FTO: variants seen among roughly 807,000 people sequenced by gnomAD.
FTO encodes FTO alpha-ketoglutarate dependent dioxygenase.
In FTO, 47 loss-of-function variants were observed where a neutral mutation model predicts 63.9. The observed-to-expected ratio is 0.74, with a 90% CI of 0.58 to 0.94. The LOEUF (loss-of-function observed/expected upper bound fraction) is 0.94, where lower values mean the gene tolerates loss of function less well. FTO is among the 40% of genes least tolerant of loss of function. The pLI is 0.00. For missense variants in FTO, 562 were observed against 618.1 expected (o/e 0.91, Z 0.96); for synonymous variants, 207 against 224.4 (o/e 0.92, Z 0.69).
At chr16:53,792,075 CAAA>C (rs10606857) in intron 1 of FTO, among the ~76,000 whole-genome samples, 10 of 138,654 alleles carry the variant, frequency 7.2e-5, no homozygotes, top group African/African-American at 1.0e-4. Flanking sequence ...GACTTCGTCT[CAAA>C]AAAAAAAAAA....
intron 8 of FTO, among the ~76,000 whole-genome samples, chr16:53,952,542 A>C (rs939588523): frequency 6.6e-5 from 10 of 152,236 alleles, no homozygotes; most frequent in Non-Finnish European, 1.2e-4. Flanking sequence ...CGTACTTAGA[A>C]AAGTATCATA....
intron 2 of FTO, among the ~76,000 whole-genome samples, chr16:53,811,012 C>A (rs908433271): frequency 6.6e-6 from 1 of 152,088 alleles, no homozygotes; most frequent in African/African-American, 2.4e-5. Flanking sequence ...GGAAGTAATC[C>A]TGTTGGCCTG....
At chr16:54,066,102 C>A (rs925504266) in intron 8 of FTO, among the ~76,000 whole-genome samples, 3 of 152,188 alleles carry the variant, frequency 2.0e-5, no homozygotes, top group Admixed American at 1.3e-4. Flanking sequence ...CCCGCCTTGC[C>A]TTGGGGACAC....
chr16:53,992,389 T>A (rs1442577959), intron 8 of FTO: 1 of 152,216 alleles, frequency 6.6e-6, no homozygotes, highest in Non-Finnish European at 1.5e-5. Flanking sequence ...TACCTAGATT[T>A]CTGCTGAGAT....
At chr16:53,953,724 A>G (rs944470891) in intron 8 of FTO, among the ~76,000 whole-genome samples, 3 of 152,236 alleles carry the variant, frequency 2.0e-5, no homozygotes, top group Non-Finnish European at 4.4e-5. Context: ...AAATATAAAA[A>G]AATCCAGCAT....
intron 8 of FTO, among the ~76,000 whole-genome samples, chr16:53,961,475 T>C (rs2083080063): frequency 6.6e-6 from 1 of 152,248 alleles, no homozygotes; most frequent in Non-Finnish European, 1.5e-5. Context: ...TATGTTATTA[T>C]TTCATATACT....
chr16:53,770,406 A>G (rs919721450), intron 1 of FTO, among the ~76,000 whole-genome samples: 1 of 152,196 alleles, frequency 6.6e-6, no homozygotes, highest in Non-Finnish European at 1.5e-5. Context: ...ATTCAAACGA[A>G]AAATCTTCTC....
intron 1 of FTO, among the ~76,000 whole-genome samples, chr16:53,791,320 A>T (rs1454242750): frequency 6.6e-6 from 1 of 152,196 alleles, no homozygotes; most frequent in Non-Finnish European, 1.5e-5. Flanking sequence ...TCACACAGTA[A>T]CCTTAAGTAG....
At chr16:54,089,871 A>G (rs1463555950) in intron 8 of FTO, among the ~76,000 whole-genome samples, 6 of 152,096 alleles carry the variant, frequency 3.9e-5, no homozygotes, top group Admixed American at 3.3e-4. Flanking sequence ...TTAAAAAAAA[A>G]AAAAGAAAAG....
In FTO at chr16:53,873,846, C is replaced by A. The variant is rs781028867; in HGVS notation, c.956C>A (p.Ser319Tyr). 1 of 1,612,522 alleles carries A rather than the reference C, an allele frequency of 6.2e-7. No individual in the cohort carries two copies. Among genetic ancestry groups the A allele is most frequent in the Non-Finnish European group, 8.5e-7 (1 of 1,178,894 alleles). ...GCCGGTTCACAACCTCGGTTTAGTT[C>A]CACCCACCGAGTGGCAGAGGTAAGT... ...VLAGSQPRFS[S>Y]THRVAECSTG... The change falls in exon 5 of 9, where the codon TCC becomes TAC. Residue 319 changes from serine (S) to tyrosine (Y), a missense_variant. Ser to Tyr is a moderately radical substitution (Grantham distance 144, BLOSUM62 -2). Transcript: ENST00000471389.
chr16:54,099,119 G>A (rs1179260667), intron 8 of FTO, among the ~76,000 whole-genome samples: 2 of 152,126 alleles, frequency 1.3e-5, no homozygotes, highest in African/African-American at 4.8e-5. Flanking sequence ...GTATTCTGTG[G>A]CTGAAAGGAG....
chr16:53,826,313 G>A lies in FTO; in HGVS notation c.573G>A (p.Val191=). 12 of 1,614,174 alleles carry A rather than the reference G, an allele frequency of 7.4e-6. No homozygotes were observed. Among genetic ancestry groups the A allele is most frequent in the Non-Finnish European group, 1.0e-5 (12 of 1,180,036 alleles). The part of the protein sequence containing the change: ...MGSSYNGQDE[V]DIKSRAAYNV... ...CATCCTACAACGGACAAGATGAAGT[G>A]GACATTAAGAGCAGAGCAGCATACA... Residue 191 remains valine, a synonymous_variant, in exon 3 of 9, where the codon GTG becomes GTA. Coordinates refer to ENST00000471389, the MANE Select transcript of FTO (RefSeq NM_001080432.3).
At chr16:53,898,610 G>T (rs901441294) in intron 7 of FTO, among the ~76,000 whole-genome samples, 1 of 152,160 alleles carries the variant, frequency 6.6e-6, no homozygotes, top group Non-Finnish European at 1.5e-5. Context: ...ACACATGTTT[G>T]TTAAAAGAAA....
At chr16:53,853,030 C>T (rs1018385916) in intron 4 of FTO, among the ~76,000 whole-genome samples, 11 of 152,196 alleles carry the variant, frequency 7.2e-5, no homozygotes, top group Non-Finnish European at 1.2e-4. Flanking sequence ...CGGTGGCTCA[C>T]GCCTGTAATC....
intron 1 of FTO, among the ~76,000 whole-genome samples, chr16:53,809,604 A>G (rs980411463): frequency 1.1e-4 from 16 of 152,196 alleles, no homozygotes; most frequent in Admixed American, 7.9e-4. Flanking sequence ...GAGAGTGAAT[A>G]AAATTATTTC....
rs2087006600 is a variant in FTO, at chr16:54,121,614, C to T, written c.*9699C>T. 1 of 152,222 alleles carries T rather than the reference C, an allele frequency of 6.6e-6. No homozygotes were observed. The highest frequency in any genetic ancestry group is 6.5e-5 in the Admixed American group (1 of 15,278). 9.4% of individuals were successfully genotyped at this position (152,222 alleles called of 1,614,324 possible). ...TCTTTTCTCCGCTAGAACTGCTCAA[C>T]AGGTGAAGAATCTTTTTCCAGCACT... On this transcript the variant is annotated 3_prime_UTR_variant, in exon 9 of 9. Transcript: ENST00000471389.
At chr16:54,076,052 A>G (rs2144486721) in intron 8 of FTO, among the ~76,000 whole-genome samples, 1 of 152,272 alleles carries the variant, frequency 6.6e-6, no homozygotes, top group East Asian at 1.9e-4. Flanking sequence ...CAATCCTCCA[A>G]GACAAGCAGG....
chr16:54,113,048 C>T lies in FTO; in HGVS notation c.*1133C>T, dbSNP rs910691993. On this transcript the variant is annotated 3_prime_UTR_variant, in exon 9 of 9. Transcript: ENST00000471389. The stretch of plus-strand genomic sequence containing the variant: ...TGGGGATATATGAAAGGCACCAGTC[C>T]TAAGGTGAACATTAAGTGAGATGAT... The T allele has an allele frequency of 1.1e-4, 17 of 152,172 alleles. No individual in the cohort carries two copies. Among genetic ancestry groups the T allele is most frequent in the African/African-American group, 4.1e-4 (17 of 41,450 alleles). The allele number at this position is 152,172 out of a possible 1,614,324, so 9.4% of individuals were successfully genotyped here.
intron 5 of FTO, among the ~76,000 whole-genome samples, chr16:53,876,399 C>A (rs968649800): frequency 2.0e-5 from 3 of 151,992 alleles, no homozygotes; most frequent in Non-Finnish European, 4.4e-5. Context: ...GATATGACAT[C>A]AAAAGCATAA....
Sources: gnomAD v4.1 joint callset for allele counts (sites outside exome capture counted in the v4.1 genomes callset) on GRCh38, gnomAD v4.1.1 for gene constraint, MANE v1.5 for transcripts, NCBI Gene and HGNC (gene_info 2026-07-23, HGNC 2026-07-21) for gene names.